The following KSR2 variants were observed in gnomAD, a reference collection of about 807,000 sequenced individuals.
KSR2 encodes the protein kinase suppressor of ras 2.
A neutral mutation model predicts 107.8 loss-of-function variants in KSR2; 25 were observed. The observed-to-expected ratio is 0.23, with a 90% CI of 0.17 to 0.32. The LOEUF (loss-of-function observed/expected upper bound fraction) is 0.32. Among genes scored for constraint, KSR2 ranks in the 10% least tolerant of loss-of-function variants. The pLI is 1.00. For synonymous variants in KSR2, 480 were observed against 507.0 expected, an observed-to-expected ratio of 0.95 and a Z score of 0.71; for missense variants, 887 against 1,268.9, an observed-to-expected ratio of 0.70 and a Z score of 4.57.
chr12:117,740,644 T>C (rs1469046259), intron 4 of KSR2, among the ~76,000 whole-genome samples: 2 of 133,280 alleles, frequency 1.5e-5, no homozygotes, highest in African/African-American at 2.7e-5. Flanking sequence ...TATATACATA[T>C]ATTATATATG....
Position 117,456,495 on chromosome 12 carries a change from C to T in KSR2, c.*10704G>A, listed in dbSNP as rs776024740. 6 of 152,196 alleles carry T rather than the reference C, an allele frequency of 3.9e-5. No homozygotes were observed. The highest frequency in any genetic ancestry group is 8.8e-5 in the Non-Finnish European group (6 of 68,060). The allele number at this position is 152,196 out of a possible 1,614,324, so 9.4% of individuals were successfully genotyped here. The stretch of plus-strand genomic sequence containing the variant: ...TGGCTAGAATCTTACAGGACCAATA[C>T]ATTACATTTGTTGTCCAGGACGCAC... On this transcript the variant is annotated 3_prime_UTR_variant, in exon 20 of 20. Transcript: ENST00000339824.
chr12:117,954,497 C>T (rs768899751), intron 1 of KSR2, among the ~76,000 whole-genome samples: 1 of 152,222 alleles, frequency 6.6e-6, no homozygotes, highest in Non-Finnish European at 1.5e-5. Context: ...TCACCTGCAG[C>T]CTAGTGGGTG....
chr12:117,600,161 G>C (rs73211926), intron 5 of KSR2, among the ~76,000 whole-genome samples: 5,068 of 152,246 alleles, frequency 0.033, 222 homozygotes, highest in South Asian at 0.14. Flanking sequence ...AGCCCAAAAA[G>C]GAACTCAGGG....
intron 16 of KSR2, 85 bp from the exon 17 acceptor site, chr12:117,476,680 C>T (rs1289443793): frequency 1.4e-6 from 2 of 1,395,646 alleles, no homozygotes; most frequent in African/African-American, 2.9e-5. Flanking sequence ...GTCCCTGGAG[C>T]CATCTCTGCT....
chr12:117,731,461 G>A (rs551253611), intron 4 of KSR2, among the ~76,000 whole-genome samples: 1 of 150,892 alleles, frequency 6.6e-6, no homozygotes, highest in Non-Finnish European at 1.5e-5. Context: ...GGGAGGTGGG[G>A]GGCGCCTCTG....
intron 1 of KSR2, among the ~76,000 whole-genome samples, chr12:117,951,213 C>G (rs1896356258): frequency 6.6e-6 from 1 of 152,100 alleles, no homozygotes; most frequent in South Asian, 2.1e-4. Flanking sequence ...CGGCGGCAAC[C>G]AGTGGTTCTT....
At chr12:117,956,893 T>C (rs989163372) in intron 1 of KSR2, among the ~76,000 whole-genome samples, 1 of 152,258 alleles carries the variant, frequency 6.6e-6, no homozygotes, top group African/African-American at 2.4e-5. Flanking sequence ...GTGGCTGCCA[T>C]ACTGGATAGC....
intron 4 of KSR2, among the ~76,000 whole-genome samples, chr12:117,732,578 C>T (rs1887775788): frequency 6.6e-6 from 1 of 152,202 alleles, no homozygotes. Flanking sequence ...GTGTGAGCCA[C>T]AGCGCCTGGC....
chr12:117,803,118 T>C (rs1890891680), intron 3 of KSR2, among the ~76,000 whole-genome samples: 1 of 152,190 alleles, frequency 6.6e-6, no homozygotes, highest in South Asian at 2.1e-4. Flanking sequence ...CTACCAGGGA[T>C]TGCCGAAACA....
intron 3 of KSR2, among the ~76,000 whole-genome samples, chr12:117,797,659 T>G (rs1470837293): frequency 6.6e-6 from 1 of 152,082 alleles, no homozygotes; most frequent in East Asian, 1.9e-4. Context: ...TCAATTTTTT[T>G]TTTTTTGACA....
intron 3 of KSR2, among the ~76,000 whole-genome samples, chr12:117,792,997 G>GCA (rs1047985608): frequency 1.9e-5 from 2 of 104,780 alleles, no homozygotes; most frequent in Non-Finnish European, 3.8e-5. Context: ...CAACATGCAC[G>GCA]CACACACACC....
In KSR2 at chr12:117,464,210, A is replaced by G. The variant is rs994775691; in HGVS notation, c.*2989T>C. The G allele has an allele frequency of 6.6e-6, 1 of 152,210 alleles. No homozygotes were observed. Among genetic ancestry groups the G allele is most frequent in the Non-Finnish European group, 1.5e-5 (1 of 68,036 alleles). 9.4% of individuals were successfully genotyped at this position (152,210 alleles called of 1,614,324 possible). On this transcript the variant is annotated 3_prime_UTR_variant, in exon 20 of 20. Coordinates refer to ENST00000339824, the MANE Select transcript of KSR2 (RefSeq NM_173598.6). ...GCAAATCCACATGCCCTTTAAAGAA[A>G]GCTGAGATGTTTCTCTCTGCAAAGC...
chr12:117,500,301 A>G (rs892632006), intron 14 of KSR2, among the ~76,000 whole-genome samples: 2 of 152,330 alleles, frequency 1.3e-5, no homozygotes, highest in African/African-American at 4.8e-5. Flanking sequence ...GCTGCAACCC[A>G]GCTTTGTCTG....
intron 4 of KSR2, among the ~76,000 whole-genome samples, chr12:117,737,503 C>T (rs1330817236): frequency 6.6e-6 from 1 of 152,044 alleles, no homozygotes; most frequent in Non-Finnish European, 1.5e-5. Context: ...CTTTTTGAGG[C>T]CAGGTGCGGT....
intron 14 of KSR2, 121 bp from the exon 15 acceptor site, chr12:117,485,812 G>A (rs1736389691): frequency 1.5e-6 from 1 of 665,318 alleles, no homozygotes. Flanking sequence ...TTGTGCTTAT[G>A]AGATAATAAG....
At chr12:117,672,837 C>T (rs1252627635) in intron 4 of KSR2, among the ~76,000 whole-genome samples, 2 of 152,218 alleles carry the variant, frequency 1.3e-5, no homozygotes, top group African/African-American at 2.4e-5. Flanking sequence ...GTTGGCCAGA[C>T]TGGTCTTGAA....
Position 117,590,927 on chromosome 12 carries a change from C to T in KSR2, c.1172-8568G>A, listed in dbSNP as rs185733785. 2.1e-3 allele frequency among the ~76,000 whole-genome samples: 316 copies of T among 152,306 alleles called. 2 individuals are homozygous for T. The highest frequency in any genetic ancestry group is 7.2e-3 in the African/African-American group (298 of 41,566). On this transcript the variant is annotated intron_variant, in intron 5 of 19. Transcript: ENST00000339824. The stretch of plus-strand genomic sequence containing the variant: ...GAGCCAGAAGACCAGGATTCAAGAT[C>T]CCCTTCTGCCACTTACATGGTAGGA...
chr12:117,894,427 G>C (rs2137369318), intron 1 of KSR2, among the ~76,000 whole-genome samples: 1 of 152,278 alleles, frequency 6.6e-6, no homozygotes, highest in Admixed American at 6.5e-5. Flanking sequence ...CACTTTGGGA[G>C]GCCATGGTGG....
At chr12:117,604,296 C>T (rs148986627) in intron 5 of KSR2, among the ~76,000 whole-genome samples, 38 of 152,218 alleles carry the variant, frequency 2.5e-4, no homozygotes, top group Admixed American at 1.1e-3. Flanking sequence ...CTACACTTCC[C>T]AGCATGTCAG....
Sources: gnomAD v4.1 joint callset for allele counts (sites outside exome capture counted in the v4.1 genomes callset) on GRCh38, gnomAD v4.1.1 for gene constraint, MANE v1.5 for transcripts, NCBI Gene and HGNC (gene_info 2026-07-23, HGNC 2026-07-21) for gene names.